The following VSTM2L variants were observed in gnomAD, a reference collection of about 807,000 sequenced individuals.
VSTM2L encodes the protein V-set and transmembrane domain-containing protein 2-like protein.
Under a neutral mutation model 19.9 loss-of-function variants are expected in VSTM2L, and 9 were observed. That is an observed-to-expected ratio of 0.45 (90% CI 0.27 to 0.79). The LOEUF (loss-of-function observed/expected upper bound fraction) is 0.79. VSTM2L is among the 30% of genes least tolerant of loss of function. The pLI, the probability that VSTM2L is intolerant of heterozygous loss-of-function variation, is 0.15. For missense variants in VSTM2L, 286 were observed against 295.5 expected (o/e 0.97, Z 0.24); for synonymous variants, 127 against 133.8 (o/e 0.95, Z 0.35).
intron 2 of VSTM2L, 75 bp from the exon 3 acceptor site, chr20:37,933,464 C>A: frequency 8.1e-7 from 1 of 1,227,938 alleles, no homozygotes; most frequent in East Asian, 2.4e-5. Context: ...ATGTGTCTCC[C>A]CACACTGCCA....
At chr20:37,924,407 G>GC (rs2072868452) in intron 1 of VSTM2L, among the ~76,000 whole-genome samples, 1 of 148,076 alleles carries the variant, frequency 6.8e-6, no homozygotes. Flanking sequence ...ACAATAATTA[G>GC]CTGGGCGTGG....
chr20:37,933,774 G>C (rs1320658639), intron 3 of VSTM2L, among the ~76,000 whole-genome samples, 185 bp downstream of exon 3: 1 of 152,202 alleles, frequency 6.6e-6, no homozygotes, highest in Non-Finnish European at 1.5e-5. Context: ...TTCATTCAAT[G>C]ATGGGCACAA....
At chr20:37,915,672 C>T (rs1404495604) in intron 1 of VSTM2L, among the ~76,000 whole-genome samples, 5 of 152,092 alleles carry the variant, frequency 3.3e-5, no homozygotes, top group Admixed American at 6.5e-5. Context: ...GACTCCGGAG[C>T]CCACATATTT....
In VSTM2L at chr20:37,931,652, C is replaced by G; in HGVS notation, c.139C>G (p.Pro47Ala). Residue 47 changes from proline to alanine, a missense_variant, in exon 2 of 4, where the codon CCC becomes GCC. By Grantham distance (27) the Pro-to-Ala change is conservative. Coordinates refer to ENST00000373461, the MANE Select transcript of VSTM2L (RefSeq NM_080607.3). The stretch of plus-strand genomic sequence containing the variant: ...TTGCACAGCCCTGTTCACAGAGACA[C>G]CCCATGACATGACAGCACGGACGGG... ...VSGHALFTET[P>A]HDMTARTGED... The G allele has an allele frequency of 6.2e-7, 1 of 1,613,076 alleles. No individual in the cohort carries two copies. The highest frequency in any genetic ancestry group is 8.5e-7 in the Non-Finnish European group (1 of 1,179,922).
At position 37,945,048 on chromosome 20, in the gene VSTM2L, C is replaced by T. The variant is rs1171298499; in HGVS notation, c.*795C>T. ...CTCTGCCGGCCCCCCAATGCCCCAG[C>T]TCCCTCTTGGGTCCTGTGCCAAGTC... On this transcript the variant is annotated 3_prime_UTR_variant, in exon 4 of 4. Coordinates refer to ENST00000373461, the MANE Select transcript of VSTM2L (RefSeq NM_080607.3). 1.0e-6 allele frequency: 1 copy of T among 985,732 alleles called. No individual in the cohort carries two copies. Among genetic ancestry groups the T allele is most frequent in the Non-Finnish European group, 1.2e-6 (1 of 829,972 alleles). 61.1% of individuals were successfully genotyped at this position (985,732 alleles called of 1,614,324 possible). A position where few individuals can be genotyped will look rare whatever the true frequency, so the allele number is the denominator to read the frequency against.
rs564480010 is a variant in VSTM2L, at chr20:37,940,378, C to T, written c.343-3603C>T. Among the ~76,000 whole-genome samples, 6 of 151,938 alleles carry T rather than the reference C, an allele frequency of 3.9e-5. No individual in the cohort carries two copies. In the East Asian group the frequency reaches 1.2e-3, roughly 30 times the overall value. ...GGAAGTCCTGCCTGGGTCCCACCTCCGTGCCTCTGCTGAAGGCTTTCCCTC... is the reference window on the plus strand; with the variant it reads ...GGAAGTCCTGCCTGGGTCCCACCTCTGTGCCTCTGCTGAAGGCTTTCCCTC... On this transcript the variant is annotated intron_variant, in intron 3 of 3. Coordinates refer to ENST00000373461, the MANE Select transcript of VSTM2L (RefSeq NM_080607.3).
At chr20:37,918,308 C>T (rs567247424) in intron 1 of VSTM2L, among the ~76,000 whole-genome samples, 5 of 152,244 alleles carry the variant, frequency 3.3e-5, no homozygotes, top group African/African-American at 7.2e-5. Context: ...GCTGGGTGCC[C>T]GCTGGTGTCC....
intron 1 of VSTM2L, among the ~76,000 whole-genome samples, chr20:37,930,185 T>C (rs1050798554): frequency 6.6e-6 from 1 of 152,208 alleles, no homozygotes; most frequent in Admixed American, 6.5e-5. Context: ...GGGCTGCACA[T>C]GGAAACCCCA....
chr20:37,925,889 C>A (rs2072876514), intron 1 of VSTM2L, among the ~76,000 whole-genome samples: 2 of 152,210 alleles, frequency 1.3e-5, no homozygotes, highest in African/African-American at 4.8e-5. Flanking sequence ...TACTACCTAG[C>A]CTACTGGGGC....
intron 1 of VSTM2L, among the ~76,000 whole-genome samples, chr20:37,906,789 C>A (rs1474757380): frequency 3.3e-5 from 5 of 152,206 alleles, no homozygotes; most frequent in Admixed American, 3.3e-4. Context: ...CCTCAGGGAA[C>A]CAGTAAAGCA....
intron 3 of VSTM2L, among the ~76,000 whole-genome samples, chr20:37,933,801 G>A (rs2072924417): frequency 6.6e-6 from 1 of 152,202 alleles, no homozygotes; most frequent in Non-Finnish European, 1.5e-5. Flanking sequence ...ACAGGGGAGA[G>A]AAGATGCATT....
intron 1 of VSTM2L, among the ~76,000 whole-genome samples, chr20:37,908,105 T>C (rs1359916167): frequency 6.6e-6 from 1 of 152,226 alleles, no homozygotes; most frequent in Admixed American, 6.5e-5. Flanking sequence ...CTGTGGGGAA[T>C]TGGCCCTCAC....
intron 3 of VSTM2L, 48 bp downstream of exon 3, chr20:37,933,637 G>A (rs1299823279): frequency 1.2e-6 from 2 of 1,601,846 alleles, no homozygotes; most frequent in South Asian, 2.2e-5. Context: ...GGAGGGCACA[G>A]CTGTGACTTA....
At chr20:37,923,399 T>TA (rs1473996552) in intron 1 of VSTM2L, among the ~76,000 whole-genome samples, 1 of 152,222 alleles carries the variant, frequency 6.6e-6, no homozygotes, top group Non-Finnish European at 1.5e-5. Context: ...GGCCTGGGGT[T>TA]AATTAATACA....
chr20:37,928,951 C>G lies in VSTM2L; in HGVS notation c.122-2684C>G, dbSNP rs1600569963. ...TTAAATAAAATTTAAAATTCAGGTC[C>G]TCAGTCACATTTCAAGTGCTCAGCA... On this transcript the variant is annotated intron_variant, in intron 1 of 3. Coordinates refer to ENST00000373461, the MANE Select transcript of VSTM2L (RefSeq NM_080607.3). 2.0e-5 allele frequency among the ~76,000 whole-genome samples: 3 copies of G among 152,310 alleles called. No individual in the cohort carries two copies. The South Asian group carries it at 6.2e-4, about 32-fold the overall frequency.
chr20:37,933,346 C>T (rs534616560), intron 2 of VSTM2L, among the ~76,000 whole-genome samples, 193 bp from the exon 3 acceptor site: 23 of 152,314 alleles, frequency 1.5e-4, no homozygotes, highest in Non-Finnish European at 3.2e-4. Flanking sequence ...GCTCTGACCT[C>T]ACCTCCTCCC....
chr20:37,909,620 C>T (rs1464246409), intron 1 of VSTM2L, among the ~76,000 whole-genome samples: 1 of 152,134 alleles, frequency 6.6e-6, no homozygotes, highest in East Asian at 1.9e-4. Context: ...AAAATTGGAG[C>T]CCCCTCCTTA....
rs999061024 is a variant in VSTM2L, at chr20:37,926,414, C to CCTGTAATCCCAGCA, written c.122-5207_122-5194dup. Among the ~76,000 whole-genome samples the CCTGTAATCCCAGCA allele has an allele frequency of 9.9e-5, 15 of 152,200 alleles. No homozygotes were observed. The South Asian group carries it at 3.1e-3, about 32-fold the overall frequency. On this transcript the variant is annotated intron_variant, in intron 1 of 3. Transcript: ENST00000373461. ...TTAGGGCCAGGCGCGGTGGCTCACA[C>CCTGTAATCCCAGCA]CTGTAATCCCAGCACTGTAATCCCA... is the stretch of plus-strand genomic sequence containing the variant.
chr20:37,903,947 G>A (rs2072736934), intron 1 of VSTM2L, among the ~76,000 whole-genome samples: 1 of 152,060 alleles, frequency 6.6e-6, no homozygotes, highest in African/African-American at 2.4e-5. Context: ...ACTGGTGCGC[G>A]CGCGCGCACA....
Sources: allele counts gnomAD v4.1 joint callset (sites outside exome capture counted in the v4.1 genomes callset), GRCh38; gene constraint gnomAD v4.1.1; transcripts MANE v1.5; gene names NCBI Gene and HGNC (gene_info 2026-07-23, HGNC 2026-07-21).